Variants in SFRP1 observed in about 807,000 individuals in gnomAD.
The protein encoded by SFRP1 is secreted frizzled related protein 1, also known as secreted frizzled-related protein 1.
In SFRP1, 9 loss-of-function variants were observed where a neutral mutation model predicts 25.9. That is an observed-to-expected ratio of 0.35 (90% CI 0.21 to 0.61). SFRP1 has a LOEUF of 0.61. SFRP1 is among the 20% of genes least tolerant of loss of function. The pLI is 0.78. For synonymous variants in SFRP1, 178 were observed against 174.0 expected, an observed-to-expected ratio of 1.02 and a Z score of -0.18; for missense variants, 346 against 418.2, an observed-to-expected ratio of 0.83 and a Z score of 1.51.
chr8:41,290,704 C>T (rs1803765026), intron 2 of SFRP1, among the ~76,000 whole-genome samples: 1 of 152,010 alleles, frequency 6.6e-6, no homozygotes, highest in African/African-American at 2.4e-5. Flanking sequence ...AGGCCCAGAC[C>T]CAACAGGCAC....
At position 41,265,146 on chromosome 8, in the gene SFRP1, C is replaced by A; in HGVS notation, c.*21G>T. On this transcript the variant is annotated 3_prime_UTR_variant, in exon 3 of 3. Transcript: ENST00000220772. ...CTCCCACCCCACCCGAGGCTCCCTC[C>A]CCACCCTGCCCCCGGGAGAATCACT... 1.4e-6 allele frequency: 2 copies of A among 1,381,870 alleles called. No individual in the cohort carries two copies. The highest frequency in any genetic ancestry group is 2.5e-5 in the East Asian group (1 of 39,628). The allele number at this position is 1,381,870 out of a possible 1,614,324, so 85.6% of individuals were successfully genotyped here.
At chr8:41,290,585 T>C (rs1022900785) in intron 2 of SFRP1, among the ~76,000 whole-genome samples, 1 of 152,102 alleles carries the variant, frequency 6.6e-6, no homozygotes, top group African/African-American at 2.4e-5. Flanking sequence ...AACACAGGTG[T>C]CCCGGGGGCA....
chr8:41,276,235 G>C (rs1050249403), intron 2 of SFRP1, among the ~76,000 whole-genome samples: 1 of 152,168 alleles, frequency 6.6e-6, no homozygotes, highest in Non-Finnish European at 1.5e-5. Flanking sequence ...CTGCCTCCCA[G>C]CCCCAGATCA....
chr8:41,273,381 C>T (rs1435979704), intron 2 of SFRP1, among the ~76,000 whole-genome samples: 1 of 131,926 alleles, frequency 7.6e-6, no homozygotes, highest in African/African-American at 2.7e-5. Flanking sequence ...GGCCGATCTA[C>T]TCAGGAGGGC....
chr8:41,294,327 C>T (rs1206783390), intron 2 of SFRP1, among the ~76,000 whole-genome samples: 5 of 152,026 alleles, frequency 3.3e-5, no homozygotes, highest in African/African-American at 9.7e-5. Context: ...GCATCCATTG[C>T]GGAAGACACC....
At chr8:41,276,504 C>T (rs866689468) in intron 2 of SFRP1, among the ~76,000 whole-genome samples, 6 of 152,174 alleles carry the variant, frequency 3.9e-5, no homozygotes, top group Non-Finnish European at 8.8e-5. Context: ...CAATGTCTGG[C>T]ATCATTAATT....
At chr8:41,265,517 A>G (rs201324216) in intron 2 of SFRP1, 28 bp from the exon 3 acceptor site, 1 of 1,528,500 alleles carries the variant, frequency 6.5e-7, no homozygotes, top group Non-Finnish European at 8.8e-7. Context: ...AGAAGAAGAG[A>G]AAAGAGGGTA....
At chr8:41,292,753 T>C (rs1392325196) in intron 2 of SFRP1, among the ~76,000 whole-genome samples, 5 of 152,136 alleles carry the variant, frequency 3.3e-5, no homozygotes, top group Admixed American at 1.3e-4. Flanking sequence ...AGCCCAACGA[T>C]TGTTGAATCA....
In SFRP1 at chr8:41,264,010, C is replaced by T. The variant is rs1803404459; in HGVS notation, c.*1157G>A. ...TAGGGGGTGTTAGGTTCTAGGGCAA[C>T]CACGGACTCTTCAGGAAGGAAAGCC... On this transcript the variant is annotated 3_prime_UTR_variant, in exon 3 of 3. Coordinates refer to ENST00000220772, the MANE Select transcript of SFRP1 (RefSeq NM_003012.5). 1 of 152,170 alleles carries T rather than the reference C, an allele frequency of 6.6e-6. No individual in the cohort carries two copies. The highest frequency in any genetic ancestry group is 2.1e-4 in the South Asian group (1 of 4,830). The allele number at this position is 152,170 out of a possible 1,614,324, so 9.4% of individuals were successfully genotyped here. A position where few individuals can be genotyped will look rare whatever the true frequency, so the allele number is the denominator to read the frequency against.
intron 2 of SFRP1, among the ~76,000 whole-genome samples, chr8:41,275,773 G>T (rs1234826752): frequency 3.3e-5 from 5 of 152,126 alleles, no homozygotes; most frequent in Non-Finnish European, 7.4e-5. Flanking sequence ...AAGAGACAGG[G>T]TCTCACTTTG....
intron 2 of SFRP1, among the ~76,000 whole-genome samples, chr8:41,301,632 T>C (rs1263271047): frequency 1.3e-5 from 2 of 151,984 alleles, no homozygotes. Context: ...GGTGGCAGAG[T>C]GTAAAAGGAC....
At position 41,308,722 on chromosome 8, in the gene SFRP1, G is replaced by A; in HGVS notation, c.438C>T (p.Phe146=). 1.2e-6 allele frequency: 2 copies of A among 1,611,212 alleles called. No homozygotes were observed. Among genetic ancestry groups the A allele is most frequent in the Non-Finnish European group, 1.7e-6 (2 of 1,178,712 alleles). Residue 146 remains phenylalanine, a synonymous_variant, in exon 1 of 3, where the codon TTC becomes TTT. Coordinates refer to ENST00000220772, the MANE Select transcript of SFRP1 (RefSeq NM_003012.5). ...GCATCTCGGGCCAGTAGAAGCCGAA[G>A]AACTGCATGACCGGCTCGCACGAGT... ...VRDSCEPVMQ[F]FGFYWPEMLK...
At chr8:41,299,731 G>A (rs1267314855) in intron 2 of SFRP1, among the ~76,000 whole-genome samples, 1 of 150,114 alleles carries the variant, frequency 6.7e-6, no homozygotes, top group Non-Finnish European at 1.5e-5. Flanking sequence ...ACAGTCAGCT[G>A]ACAAACTTTC....
intron 2 of SFRP1, among the ~76,000 whole-genome samples, chr8:41,280,245 C>A (rs1585510286): frequency 6.6e-6 from 1 of 152,220 alleles, no homozygotes; most frequent in African/African-American, 2.4e-5. Context: ...ACACAATCAT[C>A]CAGTGAGATG....
intron 2 of SFRP1, among the ~76,000 whole-genome samples, chr8:41,299,293 T>C (rs1312532073): frequency 6.6e-6 from 1 of 152,002 alleles, no homozygotes. Flanking sequence ...AAAACCCAGT[T>C]GTTTTCCACC....
chr8:41,277,122 T>A (rs2117489092), intron 2 of SFRP1: 1 of 437,640 alleles, frequency 2.3e-6, no homozygotes, highest in Non-Finnish European at 4.6e-6. Context: ...GCCACGCATC[T>A]TGGGGAGCAA....
chr8:41,291,054 C>T (rs1371137218), intron 2 of SFRP1, among the ~76,000 whole-genome samples: 1 of 151,122 alleles, frequency 6.6e-6, no homozygotes, highest in Non-Finnish European at 1.5e-5. Flanking sequence ...CTACAGGCGC[C>T]CGCCACCAGG....
chr8:41,270,896 G>T (rs960535323), intron 2 of SFRP1, among the ~76,000 whole-genome samples: 2 of 152,056 alleles, frequency 1.3e-5, no homozygotes, highest in African/African-American at 4.8e-5. Context: ...CTGCCGCTGG[G>T]GTATACTAGA....
chr8:41,290,884 G>GTTTTTTTTTTTTTTTTTTTTTTT (rs1395442969), intron 2 of SFRP1, among the ~76,000 whole-genome samples: 1 of 27,468 alleles, frequency 3.6e-5, no homozygotes, highest in Non-Finnish European at 8.3e-5. Context: ...CCTCTTCCTC[G>GTTTTTTTTTTTTTTTTTTTTTTT]TCTTTTTTTT....
Sources: allele counts gnomAD v4.1 joint callset (sites outside exome capture counted in the v4.1 genomes callset), GRCh38; gene constraint gnomAD v4.1.1; transcripts MANE v1.5; gene names NCBI Gene and HGNC (gene_info 2026-07-23, HGNC 2026-07-21).